The following LRRC73 variants were observed in gnomAD, a reference collection of about 807,000 sequenced individuals.
The protein encoded by LRRC73 is leucine rich repeat containing 73, also known as leucine-rich repeat-containing protein 73.
Under a neutral mutation model 26.4 loss-of-function variants are expected in LRRC73, and 16 were observed. The observed-to-expected ratio is 0.61, with a 90% CI of 0.41 to 0.92. The LOEUF is 0.92. Ranked by LOEUF, LRRC73 falls within the 40% of genes least tolerant of loss-of-function variation. The pLI is 0.00. For synonymous variants in LRRC73, 210 were observed against 179.8 expected (o/e 1.17, Z -1.34); for missense variants, 344 against 416.3 (o/e 0.83, Z 1.51).
chr6:43,509,456 AG>A, intron 1 of LRRC73, 57 bp downstream of exon 1: 1 of 1,540,408 alleles, frequency 6.5e-7, no homozygotes, highest in Admixed American at 1.9e-5. Context: ...AGGAGGTGCC[AG>A]GGGAGTGTAT....
exon 1 of LRRC73, chr6:43,510,269 C>A (rs1792625159): frequency 1.3e-5 from 2 of 153,312 alleles, no homozygotes; most frequent in African/African-American, 4.8e-5. Flanking sequence ...CCCCGACCAC[C>A]CCGCGGGCCT....
chr6:43,509,943 CGGCGGAGGCTGCGGCGGG>C (rs1792614192), exon 1 of LRRC73: 4 of 503,592 alleles, frequency 7.9e-6, no homozygotes, highest in Non-Finnish European at 1.2e-5. Flanking sequence ...GCTGCGGCTG[CGGCGGAGGCTGCGGCGGG>C]GGCGGAGAAG....
At chr6:43,508,007 T>G (rs1479877264) in intron 3 of LRRC73, 81 bp from the exon 4 acceptor site, 1 of 1,235,616 alleles carries the variant, frequency 8.1e-7, no homozygotes, top group Non-Finnish European at 1.2e-6. Context: ...CCTTAACAAC[T>G]TTAGATACTA....
At chr6:43,508,655 TTCTCGCC>T in intron 2 of LRRC73, 98 bp downstream of exon 2, 1 of 1,472,858 alleles carries the variant, frequency 6.8e-7, no homozygotes, top group Non-Finnish European at 9.2e-7. Flanking sequence ...TAGAAAGATG[TTCTCGCC>T]CACATCATCA....
chr6:43,509,287 C>G (rs1323588496), intron 1 of LRRC73, among the ~76,000 whole-genome samples: 2 of 152,190 alleles, frequency 1.3e-5, no homozygotes, highest in Non-Finnish European at 2.9e-5. Context: ...CGGCCCCCAC[C>G]TCATGTCAGG....
exon 1 of LRRC73, chr6:43,509,947 G>T (rs1792614258): frequency 2.0e-6 from 1 of 490,444 alleles, no homozygotes; most frequent in Non-Finnish European, 3.1e-6. Context: ...CGGCTGCGGC[G>T]GAGGCTGCGG....
exon 1 of LRRC73, chr6:43,509,801 G>C (rs1388617899): frequency 6.6e-7 from 1 of 1,505,484 alleles, no homozygotes; most frequent in Non-Finnish European, 8.8e-7. Context: ...CCACGGCTGG[G>C]CCTCCGGGTA....
chr6:43,510,161 G>GCGGCGA, exon 1 of LRRC73: 1 of 176,872 alleles, frequency 5.7e-6, no homozygotes, highest in African/African-American at 2.4e-5. Flanking sequence ...GGTCGCGGCG[G>GCGGCGA]CGGCGGCGGC....
intron 2 of LRRC73, 70 bp downstream of exon 2, chr6:43,508,690 C>G: frequency 1.3e-6 from 2 of 1,524,352 alleles, no homozygotes; most frequent in Non-Finnish European, 1.8e-6. Flanking sequence ...GGGGCCACAC[C>G]CCCTTCCCTC....
exon 1 of LRRC73, chr6:43,509,579 G>A (rs1178932419): frequency 1.2e-6 from 2 of 1,608,942 alleles, no homozygotes; most frequent in African/African-American, 1.3e-5. Context: ...GGCTGGGGCT[G>A]GACACGACGC....
chr6:43,507,396 A>C (rs1582165295), intron 5 of LRRC73, 60 bp downstream of exon 5: 2 of 1,607,710 alleles, frequency 1.2e-6, no homozygotes, highest in South Asian at 2.2e-5. Flanking sequence ...CTGCACACCC[A>C]CTCTCCCTTG....
rs1426671392 is a variant in LRRC73 at position 43,507,058 on chromosome 6, G to A, written c.*180C>T. 7 of 645,402 alleles carry A rather than the reference G, an allele frequency of 1.1e-5. No individual in the cohort carries two copies. The South Asian group carries it at 1.3e-4, about 12-fold the overall frequency. 40.0% of individuals were successfully genotyped at this position (645,402 alleles called of 1,614,324 possible). The stretch of plus-strand genomic sequence containing the variant: ...GCCGTGGGTTCAAGTGCCCCCCAAG[G>A]CTGTTGCTCAGTCACAGCTTCCAGA... On this transcript the variant is annotated 3_prime_UTR_variant, in exon 6 of 6. Coordinates refer to ENST00000372441, the Ensembl canonical transcript of LRRC73.
intron 2 of LRRC73, 144 bp downstream of exon 2, chr6:43,508,616 C>G: frequency 7.2e-7 from 1 of 1,381,238 alleles, no homozygotes. Flanking sequence ...CTCCATGCTG[C>G]CCCCCGTCCT....
intron 1 of LRRC73, among the ~76,000 whole-genome samples, chr6:43,509,291 T>C (rs1792595961): frequency 6.6e-6 from 1 of 152,162 alleles, no homozygotes; most frequent in Non-Finnish European, 1.5e-5. Context: ...CCCCACCTCA[T>C]GTCAGGAACT....
At chr6:43,507,225 G>A in exon 6 of LRRC73, 2 of 1,613,302 alleles carry the variant, frequency 1.2e-6, no homozygotes, top group East Asian at 4.5e-5. Flanking sequence ...GTGTGCAGAG[G>A]CCCAGTGGAG....
exon 6 of LRRC73, chr6:43,507,177 T>C: frequency 6.3e-7 from 1 of 1,579,236 alleles, no homozygotes; most frequent in Non-Finnish European, 8.7e-7. Context: ...GACCCTGATA[T>C]CTGGGGCAAG....
At chr6:43,508,303 G>A in exon 3 of LRRC73, 1 of 1,611,860 alleles carries the variant, frequency 6.2e-7, no homozygotes, top group Non-Finnish European at 8.5e-7. Context: ...CTCACCCAGG[G>A]GGTTGTAATC....
At chr6:43,509,754 T>C in exon 1 of LRRC73, 2 of 1,583,206 alleles carry the variant, frequency 1.3e-6, no homozygotes, top group East Asian at 2.3e-5. Flanking sequence ...GGACAGCGGC[T>C]CCCCCGAAAT....
At chr6:43,508,038 G>T in intron 3 of LRRC73, 112 bp from the exon 4 acceptor site, 1 of 1,077,532 alleles carries the variant, frequency 9.3e-7, no homozygotes, top group Non-Finnish European at 1.3e-6. Context: ...AAGGAAACAT[G>T]GACAATTGGT....
Sources: gnomAD v4.1 joint callset for allele counts (sites outside exome capture counted in the v4.1 genomes callset) on GRCh38, gnomAD v4.1.1 for gene constraint, MANE v1.5 for transcripts, NCBI Gene and HGNC (gene_info 2026-07-23, HGNC 2026-07-21) for gene names.